Variants in CLVS1 observed in about 807,000 individuals in gnomAD.
CLVS1 encodes the protein clavesin-1.
CLVS1 carries 10 observed loss-of-function variants against 33.1 expected under a neutral mutation model. The observed-to-expected ratio is 0.30, with a 90% CI of 0.19 to 0.51. The LOEUF (loss-of-function observed/expected upper bound fraction) is 0.51. Ranked by LOEUF, CLVS1 falls within the 20% of genes least tolerant of loss-of-function variation. The pLI is 0.97. For synonymous variants in CLVS1, 163 were observed against 166.1 expected, an observed-to-expected ratio of 0.98 and a Z score of 0.14; for missense variants, 343 against 433.4, an observed-to-expected ratio of 0.79 and a Z score of 1.85.
intron 2 of CLVS1, among the ~76,000 whole-genome samples, chr8:61,200,238 C>T (rs796846189): frequency 1.3e-5 from 2 of 152,308 alleles, no homozygotes; most frequent in African/African-American, 4.8e-5. Flanking sequence ...CCCACCTCAG[C>T]CTCCCAAGTA....
chr8:61,272,025 A>T (rs1809450939), intron 2 of CLVS1, among the ~76,000 whole-genome samples: 1 of 150,186 alleles, frequency 6.7e-6, no homozygotes, highest in African/African-American at 2.5e-5. Flanking sequence ...TGTGAATTTG[A>T]TCCTGTCATT....
At position 61,178,515 on chromosome 8, in the gene CLVS1, C is replaced by T. The variant is rs116783646; in HGVS notation, c.-152+46655C>T. ...CAGAGAACAACACTAAGATATTCCA[C>T]GAGAAGATCCACGCCAAGACACATA... On this transcript the variant is annotated intron_variant, in intron 2 of 2. Coordinates refer to the CLVS1 transcript ENST00000522621. Among the ~76,000 whole-genome samples the T allele has an allele frequency of 9.0e-3, 1,368 of 152,122 alleles. 30 individuals carry two copies. Among genetic ancestry groups the T allele is most frequent in the African/African-American group, 0.03 (1,254 of 41,474 alleles).
chr8:61,228,006 C>CA (rs1443428166), intron 2 of CLVS1, among the ~76,000 whole-genome samples: 1 of 152,048 alleles, frequency 6.6e-6, no homozygotes, highest in Admixed American at 6.5e-5. Flanking sequence ...GATGTGAAGA[C>CA]AAAAAACGAG....
the CLVS1 span, among the ~76,000 whole-genome samples, chr8:60,992,819 A>T: frequency 2.2e-3 from 333 of 152,226 alleles, no homozygotes; most frequent in South Asian, 6.6e-3. Context: ...TGAGGCAGGG[A>T]GAAGTGGGAG....
intron 1 of CLVS1, among the ~76,000 whole-genome samples, chr8:61,298,918 G>A (rs1810321604): frequency 6.6e-6 from 1 of 152,168 alleles, no homozygotes; most frequent in African/African-American, 2.4e-5. Flanking sequence ...AAGCCCATAT[G>A]GACATTGGGT....
At chr8:61,027,474 T>C in the CLVS1 span, among the ~76,000 whole-genome samples, 1 of 152,174 alleles carries the variant, frequency 6.6e-6, no homozygotes, top group Admixed American at 6.5e-5. Context: ...ATGAGCTGTC[T>C]AATTCAAAAT....
chr8:61,261,988 G>GTGTGTGTGTGTA (rs1554551242), intron 2 of CLVS1, among the ~76,000 whole-genome samples: 3 of 90,868 alleles, frequency 3.3e-5, no homozygotes, highest in South Asian at 1.1e-3. Flanking sequence ...GTGTGTGTGT[G>GTGTGTGTGTGTA]TGTGTGTGTG....
At chr8:61,314,210 G>T (rs961220026) in intron 2 of CLVS1, among the ~76,000 whole-genome samples, 1 of 152,110 alleles carries the variant, frequency 6.6e-6, no homozygotes, top group Non-Finnish European at 1.5e-5. Flanking sequence ...TGACAGGGTC[G>T]TGTAGATTCT....
At chr8:61,286,671 A>G (rs927025199), upstream of CLVS1, among the ~76,000 whole-genome samples, 5 of 152,256 alleles carry the variant, frequency 3.3e-5, no homozygotes, top group African/African-American at 9.6e-5. Flanking sequence ...ATATAATACT[A>G]TGTTAGAGTT....
chr8:61,165,368 A>AG (rs1345169568), intron 2 of CLVS1, among the ~76,000 whole-genome samples: 4 of 152,178 alleles, frequency 2.6e-5, no homozygotes, highest in African/African-American at 9.7e-5. Flanking sequence ...CTCCCATACA[A>AG]GGGGAGGGGA....
chr8:61,419,283 G>A (rs1815559141), intron 3 of CLVS1, among the ~76,000 whole-genome samples: 1 of 151,416 alleles, frequency 6.6e-6, no homozygotes, highest in Non-Finnish European at 1.5e-5. Context: ...TGTAATCCCA[G>A]CTACTCAGGA....
intron 3 of CLVS1, among the ~76,000 whole-genome samples, chr8:61,441,773 G>A (rs1264766420): frequency 6.6e-6 from 1 of 152,162 alleles, no homozygotes; most frequent in Non-Finnish European, 1.5e-5. Flanking sequence ...GTTGAGTGAT[G>A]CTTGTATAGT....
intron 2 of CLVS1, among the ~76,000 whole-genome samples, chr8:61,317,425 AT>A (rs1811052400): frequency 6.6e-6 from 1 of 152,326 alleles, no homozygotes; most frequent in East Asian, 1.9e-4. Context: ...TTTCACCAAT[AT>A]AAATGTCTTT....
At chr8:61,404,637 G>A (rs1409816914) in intron 3 of CLVS1, among the ~76,000 whole-genome samples, 5 of 152,168 alleles carry the variant, frequency 3.3e-5, no homozygotes, top group African/African-American at 9.7e-5. Context: ...ATTGGAACTC[G>A]AAGGTAGATA....
intron 3 of CLVS1, among the ~76,000 whole-genome samples, chr8:61,400,789 A>G (rs999721364): frequency 1.3e-5 from 2 of 152,178 alleles, no homozygotes; most frequent in Non-Finnish European, 2.9e-5. Flanking sequence ...GATTGAGATA[A>G]TCACATGGTT....
chr8:60,982,952 C>A, the CLVS1 span, among the ~76,000 whole-genome samples: 1 of 151,918 alleles, frequency 6.6e-6, no homozygotes, highest in Non-Finnish European at 1.5e-5. Flanking sequence ...AACAAACAAA[C>A]CCCCCACACC....
upstream of CLVS1, among the ~76,000 whole-genome samples, chr8:61,055,850 A>T (rs577149363): frequency 3.6e-4 from 55 of 152,372 alleles, no homozygotes; most frequent in African/African-American, 1.3e-3. Flanking sequence ...TAACTCTCCA[A>T]GGCCAGTCAT....
At chr8:61,250,092 G>A (rs1005908677) in intron 2 of CLVS1, among the ~76,000 whole-genome samples, 7 of 151,972 alleles carry the variant, frequency 4.6e-5, no homozygotes, top group Non-Finnish European at 7.4e-5. Flanking sequence ...TGATTTTTTT[G>A]TATAAGGTGT....
At chr8:61,252,883 T>G (rs1212055038) in intron 2 of CLVS1, among the ~76,000 whole-genome samples, 2 of 152,222 alleles carry the variant, frequency 1.3e-5, no homozygotes, top group Non-Finnish European at 2.9e-5. Flanking sequence ...AATTTGCCAG[T>G]CTGTATCTTT....
Sources: allele counts gnomAD v4.1 joint callset (sites outside exome capture counted in the v4.1 genomes callset), GRCh38; gene constraint gnomAD v4.1.1; transcripts MANE v1.5; gene names NCBI Gene and HGNC (gene_info 2026-07-23, HGNC 2026-07-21).